Variants in RIPOR2 observed in about 807,000 individuals in gnomAD.
The protein encoded by RIPOR2 is rho family-interacting cell polarization regulator 2.
RIPOR2 carries 39 observed loss-of-function variants against 114.5 expected under a neutral mutation model. The ratio of observed to expected loss-of-function variants is 0.34; its 90% CI spans 0.26 to 0.44. RIPOR2 has a LOEUF of 0.44. Ranked by LOEUF, RIPOR2 falls within the 20% of genes least tolerant of loss-of-function variation. The pLI, the probability that RIPOR2 is intolerant of heterozygous loss-of-function variation, is 1.00. For missense variants in RIPOR2, 1,007 were observed against 1,255.1 expected, an observed-to-expected ratio of 0.80 and a Z score of 2.99; for synonymous variants, 445 against 484.4, an observed-to-expected ratio of 0.92 and a Z score of 1.07.
chr6:25,024,316 C>A, intron 1 of RIPOR2: 1 of 1,508,788 alleles, frequency 6.6e-7, no homozygotes, highest in Non-Finnish European at 9.2e-7. Flanking sequence ...ACCTTTTTGG[C>A]CCCAAGTTTC....
intron 1 of RIPOR2, among the ~76,000 whole-genome samples, chr6:24,952,030 G>C (rs1204816671): frequency 1.3e-5 from 2 of 152,186 alleles, no homozygotes; most frequent in Admixed American, 1.3e-4. Flanking sequence ...GAATGAACCA[G>C]AATGTAAAAT....
At chr6:24,920,263 A>G (rs1390307978) in intron 1 of RIPOR2, among the ~76,000 whole-genome samples, 2 of 152,336 alleles carry the variant, frequency 1.3e-5, no homozygotes, top group South Asian at 2.1e-4. Flanking sequence ...CTGAAATTCT[A>G]TGAATGTATG....
intron 8 of RIPOR2, among the ~76,000 whole-genome samples, chr6:24,856,903 TC>T (rs557048139): frequency 6.6e-5 from 10 of 150,844 alleles, no homozygotes; most frequent in African/African-American, 1.5e-4. Flanking sequence ...AAGGTGTTTT[TC>T]CCCCCCCTTT....
intron 19 of RIPOR2, among the ~76,000 whole-genome samples, chr6:24,819,204 T>C (rs1275208106): frequency 6.6e-6 from 1 of 152,076 alleles, no homozygotes; most frequent in Admixed American, 6.5e-5. Flanking sequence ...TAAGACTGTT[T>C]AGAAGGAACT....
At chr6:24,810,600 C>G (rs936228546) in intron 20 of RIPOR2, among the ~76,000 whole-genome samples, 1 of 152,152 alleles carries the variant, frequency 6.6e-6, no homozygotes, top group African/African-American at 2.4e-5. Flanking sequence ...AATTTACAGT[C>G]TAGTGGATTC....
intron 1 of RIPOR2, among the ~76,000 whole-genome samples, chr6:24,904,587 A>G (rs1213366757): frequency 1.3e-5 from 2 of 152,204 alleles, no homozygotes; most frequent in African/African-American, 4.8e-5. Context: ...TAGGACATGG[A>G]CATCTTTGGG....
At chr6:24,854,897 G>A (rs945017117) in intron 8 of RIPOR2, among the ~76,000 whole-genome samples, 1 of 151,546 alleles carries the variant, frequency 6.6e-6, no homozygotes, top group Non-Finnish European at 1.5e-5. Flanking sequence ...TGTGGTGTCG[G>A]GTACCTGTAA....
intron 1 of RIPOR2, among the ~76,000 whole-genome samples, chr6:25,003,968 G>A (rs1476807575): frequency 6.6e-6 from 1 of 152,166 alleles, no homozygotes; most frequent in African/African-American, 2.4e-5. Flanking sequence ...TGTGAATAAA[G>A]TACAAATGGA....
In RIPOR2 at chr6:24,843,273, T is replaced by C. The variant is rs1761915154; in HGVS notation, c.1446A>G (p.Glu482=). The C allele has an allele frequency of 6.2e-7, 1 of 1,613,910 alleles. No individual in the cohort carries two copies. The highest frequency in any genetic ancestry group is 1.3e-5 in the African/African-American group (1 of 74,940). ...GQEPKSHLKE[E]DPEEPRKPAS... is the part of the protein sequence containing the mutation. ...CAGGTTTTCTGGGCTCCTCTGGGTC[T>C]TCCTCCTTCAGGTGTGACTTTGGCT... Residue 482 remains glutamate, a synonymous_variant, in exon 13 of 22, where the codon GAA becomes GAG. Transcript: ENST00000643898.
At chr6:24,998,969 C>G (rs7765852) in intron 1 of RIPOR2, among the ~76,000 whole-genome samples, 52,412 of 151,864 alleles carry the variant, frequency 0.35, 9,497 homozygotes, top group South Asian at 0.43. Context: ...GATGCATATT[C>G]CTTTTGCCTC....
chr6:24,848,689 G>T (rs1762559124), intron 11 of RIPOR2, among the ~76,000 whole-genome samples: 1 of 152,170 alleles, frequency 6.6e-6, no homozygotes, highest in African/African-American at 2.4e-5. Flanking sequence ...CATCCAGCAA[G>T]AAGAATGATC....
At chr6:24,896,774 G>C (rs190584386) in intron 1 of RIPOR2, among the ~76,000 whole-genome samples, 11 of 152,190 alleles carry the variant, frequency 7.2e-5, no homozygotes, top group Admixed American at 7.2e-4. Context: ...GTGGTGGCAC[G>C]TGCCTGTAAT....
intron 2 of RIPOR2, among the ~76,000 whole-genome samples, chr6:24,874,014 A>T (rs1177120186): frequency 1.3e-5 from 2 of 151,794 alleles, no homozygotes; most frequent in African/African-American, 4.8e-5. Flanking sequence ...AGCATGTGCC[A>T]CCACACCCAG....
rs187735636 is a variant in RIPOR2, at chr6:24,972,150, T to C, written c.76+69701A>G. 2.0e-5 allele frequency among the ~76,000 whole-genome samples: 3 copies of C among 152,222 alleles called. No homozygotes were observed. In the East Asian group the frequency reaches 5.8e-4, roughly 29 times the overall value. On this transcript the variant is annotated intron_variant, in intron 1 of 13. Coordinates refer to the RIPOR2 transcript ENST00000510784. ...TCGAACCAAATTCAGCAAGATGGCA[T>C]GTAACAGGGTAAAGAAAAAAATTTA...
At chr6:24,898,006 A>G (rs1344934186) in intron 1 of RIPOR2, among the ~76,000 whole-genome samples, 1 of 151,806 alleles carries the variant, frequency 6.6e-6, no homozygotes, top group Non-Finnish European at 1.5e-5. Context: ...CCTGGGTGAC[A>G]GAGCCAGACC....
chr6:24,875,019 A>C (rs958099229), intron 2 of RIPOR2, among the ~76,000 whole-genome samples: 1 of 152,174 alleles, frequency 6.6e-6, no homozygotes, highest in Non-Finnish European at 1.5e-5. Flanking sequence ...ATCAGTAGGA[A>C]AGCCGAGACC....
intron 1 of RIPOR2, among the ~76,000 whole-genome samples, chr6:24,946,209 A>G (rs1393045639): frequency 6.6e-6 from 1 of 151,756 alleles, no homozygotes; most frequent in Admixed American, 6.6e-5. Context: ...CAGCCTCCCA[A>G]ATAGCTGGGA....
At chr6:24,834,737 C>T (rs1760979533) in intron 15 of RIPOR2, among the ~76,000 whole-genome samples, 1 of 152,116 alleles carries the variant, frequency 6.6e-6, no homozygotes, top group Non-Finnish European at 1.5e-5. Context: ...AATCCTCCCA[C>T]CTCCGCCTCC....
chr6:24,864,140 C>A (rs1764351316), intron 7 of RIPOR2, among the ~76,000 whole-genome samples: 1 of 152,050 alleles, frequency 6.6e-6, no homozygotes, highest in Non-Finnish European at 1.5e-5. Context: ...TCCGTCTCTA[C>A]TAAAAATACA....
Sources: gnomAD v4.1 joint callset for allele counts (sites outside exome capture counted in the v4.1 genomes callset) on GRCh38, gnomAD v4.1.1 for gene constraint, MANE v1.5 for transcripts, NCBI Gene and HGNC (gene_info 2026-07-23, HGNC 2026-07-21) for gene names.